Variants in SPATS2 observed in about 807,000 individuals in gnomAD.
SPATS2 encodes spermatogenesis-associated serine-rich protein 2.
A neutral mutation model predicts 63.7 loss-of-function variants in SPATS2; 38 were observed. The observed-to-expected ratio is 0.60, with a 90% CI of 0.46 to 0.78. The LOEUF is 0.78. Among genes scored for constraint, SPATS2 ranks in the 30% least tolerant of loss-of-function variants. The pLI, the probability that SPATS2 is intolerant of heterozygous loss-of-function variation, is 0.00. For synonymous variants in SPATS2, 207 were observed against 232.9 expected (o/e 0.89, Z 1.01); for missense variants, 588 against 666.2 (o/e 0.88, Z 1.29).
At chr12:49,491,233 A>G (rs1946377360) in intron 6 of SPATS2, 1 of 152,404 alleles carries the variant, frequency 6.6e-6, no homozygotes, top group Admixed American at 6.5e-5. Flanking sequence ...AAGGCAGGAA[A>G]CAGAATGACT....
chr12:49,493,114 A>G (rs189355373), intron 6 of SPATS2, among the ~76,000 whole-genome samples: 167 of 151,424 alleles, frequency 1.1e-3, no homozygotes, highest in Middle Eastern at 6.9e-3. Flanking sequence ...AAAAAAAAAA[A>G]AAAGAAAGAA....
At chr12:49,468,489 T>G (rs931276094) in intron 3 of SPATS2, among the ~76,000 whole-genome samples, 2 of 147,812 alleles carry the variant, frequency 1.4e-5, no homozygotes, top group African/African-American at 4.9e-5. Context: ...TTGTTTTTGT[T>G]TTTTTGAGAC....
intron 2 of SPATS2, among the ~76,000 whole-genome samples, chr12:49,447,451 A>T: frequency 6.6e-6 from 1 of 150,656 alleles, no homozygotes; most frequent in Admixed American, 6.6e-5. Context: ...GTGAGCCAGG[A>T]TGGTCTCAAT....
At position 49,448,434 on chromosome 12, in the gene SPATS2, T is replaced by C. The variant is rs374530572; in HGVS notation, c.-243-12336T>C. Among the ~76,000 whole-genome samples the C allele has an allele frequency of 4.7e-4, 71 of 152,232 alleles. No individual in the cohort carries two copies. The South Asian group carries it at 0.012, about 26-fold the overall frequency. ...GATTACAGGCGTGAGCCACCACGCC[T>C]GGCTATTATGTTTTTATTTTCTTTC... is the stretch of plus-strand genomic sequence containing the variant. On this transcript the variant is annotated intron_variant, in intron 2 of 13. Transcript: ENST00000552918.
chr12:49,458,115 T>G (rs1359718045), intron 2 of SPATS2, among the ~76,000 whole-genome samples: 1 of 152,176 alleles, frequency 6.6e-6, no homozygotes, highest in African/African-American at 2.4e-5. Flanking sequence ...TTGCATTTTG[T>G]AAATGTTTTT....
intron 2 of SPATS2, chr12:49,390,216 G>A (rs550594244): frequency 4.6e-4 from 464 of 1,006,504 alleles, no homozygotes; most frequent in Non-Finnish European, 5.2e-4. Flanking sequence ...GGTCAAATAA[G>A]TGAATGAATG....
intron 2 of SPATS2, among the ~76,000 whole-genome samples, chr12:49,415,297 G>A (rs1239663506): frequency 6.6e-6 from 1 of 151,818 alleles, no homozygotes; most frequent in Admixed American, 6.6e-5. Flanking sequence ...CACCCACCTC[G>A]GCCTCCCAAA....
intron 2 of SPATS2, among the ~76,000 whole-genome samples, chr12:49,402,958 CAA>C (rs1378664988): frequency 1.5e-4 from 23 of 152,044 alleles, no homozygotes; most frequent in Non-Finnish European, 4.4e-5. Context: ...ACCATTCAGA[CAA>C]GAGGTTTAAG....
chr12:49,403,475 A>G (rs2137311043), intron 2 of SPATS2, among the ~76,000 whole-genome samples: 1 of 152,038 alleles, frequency 6.6e-6, no homozygotes, highest in South Asian at 2.1e-4. Context: ...TAAAAATACA[A>G]AAGTTAGCTG....
At chr12:49,511,469 A>C (rs1317884532) in intron 9 of SPATS2, among the ~76,000 whole-genome samples, 6 of 152,122 alleles carry the variant, frequency 3.9e-5, no homozygotes, top group Admixed American at 2.0e-4. Context: ...TTTAGAATCT[A>C]GTCTGCCAGA....
At chr12:49,435,500 A>AT (rs1346478798) in intron 2 of SPATS2, among the ~76,000 whole-genome samples, 2 of 146,452 alleles carry the variant, frequency 1.4e-5, no homozygotes, top group African/African-American at 5.1e-5. Flanking sequence ...TAATTTTTGT[A>AT]TTTTTAGTAG....
intron 2 of SPATS2, among the ~76,000 whole-genome samples, chr12:49,437,713 C>T (rs1473456706): frequency 6.6e-6 from 1 of 152,156 alleles, no homozygotes; most frequent in Non-Finnish European, 1.5e-5. Flanking sequence ...CCTGCAATCG[C>T]AGGCACTGGG....
chr12:49,504,985 A>G (rs1946632845), intron 9 of SPATS2, among the ~76,000 whole-genome samples: 1 of 151,420 alleles, frequency 6.6e-6, no homozygotes, highest in South Asian at 2.1e-4. Flanking sequence ...GCTGGTTTTG[A>G]ACTCCTGGGC....
intron 2 of SPATS2, chr12:49,389,478 C>T (rs1944381493): frequency 3.9e-6 from 3 of 773,406 alleles, no homozygotes; most frequent in Admixed American, 1.9e-5. Flanking sequence ...CCACAGCTGA[C>T]GGCTGCGAGG....
At chr12:49,525,409 G>C (rs1231108689) in intron 13 of SPATS2, among the ~76,000 whole-genome samples, 3 of 152,204 alleles carry the variant, frequency 2.0e-5, no homozygotes, top group Admixed American at 6.5e-5. Context: ...TAATTCTTCA[G>C]AACTGGTATG....
chr12:49,494,748 A>G lies in SPATS2; in HGVS notation c.272A>G (p.Lys91Arg). ...AATTTTTAATAACTTTAGAACAAAA[A>G]GAAGAAAAACAAACCGAAACCTGCC... is the stretch of plus-strand genomic sequence containing the variant. ...WTVTGKKKNK[K>R]KKNKPKPAAE... The change falls in exon 7 of 14, where the codon AAG (lysine) becomes AGG (arginine). Residue 91 changes from lysine to arginine, a missense_variant. Lys to Arg is a conservative substitution (Grantham distance 26). Coordinates refer to ENST00000552918, the MANE Select transcript of SPATS2 (RefSeq NM_023071.4). 1 of 1,539,440 alleles carries G rather than the reference A, an allele frequency of 6.5e-7. No homozygotes were observed.
At chr12:49,407,172 T>TA (rs1944711970) in intron 2 of SPATS2, among the ~76,000 whole-genome samples, 1 of 152,176 alleles carries the variant, frequency 6.6e-6, no homozygotes, top group African/African-American at 2.4e-5. Context: ...TCTCTACTGC[T>TA]ACCACTCAGA....
At chr12:49,393,311 C>A (rs1333413158) in intron 2 of SPATS2, among the ~76,000 whole-genome samples, 1 of 152,088 alleles carries the variant, frequency 6.6e-6, no homozygotes, top group East Asian at 1.9e-4. Context: ...TCTAAAAGTT[C>A]TCCATCAGCC....
chr12:49,393,907 C>T (rs965270842), intron 2 of SPATS2, among the ~76,000 whole-genome samples: 3 of 152,132 alleles, frequency 2.0e-5, no homozygotes, highest in African/African-American at 7.2e-5. Context: ...GTGTTGAACT[C>T]CTGGACTCAA....
Sources: gnomAD v4.1 joint callset for allele counts (sites outside exome capture counted in the v4.1 genomes callset) on GRCh38, gnomAD v4.1.1 for gene constraint, MANE v1.5 for transcripts, NCBI Gene and HGNC (gene_info 2026-07-23, HGNC 2026-07-21) for gene names.